PAPSS2: variants seen among roughly 807,000 people sequenced by gnomAD.
PAPSS2 encodes 3'-phosphoadenosine 5'-phosphosulfate synthase 2, also known as bifunctional 3'-phosphoadenosine 5'-phosphosulfate synthase 2.
Under a neutral mutation model 66.5 loss-of-function variants are expected in PAPSS2, and 61 were observed. The observed-to-expected ratio is 0.92, with a 90% CI of 0.75 to 1.14. The LOEUF (loss-of-function observed/expected upper bound fraction) is 1.14. PAPSS2 is among the 50% of genes most tolerant of loss of function. The pLI is 0.00. For missense variants in PAPSS2, 708 were observed against 789.6 expected (o/e 0.90, Z 1.24); for synonymous variants, 289 against 287.5 (o/e 1.01, Z -0.05).
intron 2 of PAPSS2, among the ~76,000 whole-genome samples, chr10:87,710,750 C>T (rs1853453601): frequency 6.6e-6 from 1 of 152,112 alleles, no homozygotes; most frequent in African/African-American, 2.4e-5. Context: ...CCTATAATCC[C>T]AGCACTTTGG....
chr10:87,735,935 A>T (rs867914891), intron 9 of PAPSS2, among the ~76,000 whole-genome samples: 47 of 152,218 alleles, frequency 3.1e-4, no homozygotes, highest in African/African-American at 1.1e-3. Flanking sequence ...GGGACTGTGA[A>T]CCAGGTCCAC....
chr10:87,741,210 G>C, intron 9 of PAPSS2, 25 bp from the exon 10 acceptor site: 1 of 1,611,706 alleles, frequency 6.2e-7, no homozygotes, highest in Non-Finnish European at 8.5e-7. Flanking sequence ...TTAATCATTA[G>C]CAATCATAAC....
intron 1 of PAPSS2, among the ~76,000 whole-genome samples, chr10:87,683,069 T>TTTTTTC (rs1445291662): frequency 3.3e-5 from 5 of 150,906 alleles, no homozygotes; most frequent in African/African-American, 1.2e-4. Context: ...TTTTTTTTCT[T>TTTTTTC]TTTTTCTTTT....
chr10:87,669,195 T>G (rs536083318), intron 1 of PAPSS2, among the ~76,000 whole-genome samples: 1 of 152,246 alleles, frequency 6.6e-6, no homozygotes, highest in East Asian at 1.9e-4. Flanking sequence ...ATTGTTTTAT[T>G]AAAAAAAGGG....
At chr10:87,700,886 A>G (rs1458511096) in intron 1 of PAPSS2, among the ~76,000 whole-genome samples, 1 of 151,938 alleles carries the variant, frequency 6.6e-6, no homozygotes, top group Non-Finnish European at 1.5e-5. Flanking sequence ...GAAAAGAAAT[A>G]AAATCGATCC....
chr10:87,712,933 C>G, intron 2 of PAPSS2, 142 bp from the exon 3 acceptor site: 1 of 641,310 alleles, frequency 1.6e-6, no homozygotes, highest in Non-Finnish European at 2.8e-6. Flanking sequence ...AAGTACTTGC[C>G]TTGTAGTCAA....
chr10:87,689,857 T>G (rs1432669266), intron 1 of PAPSS2, among the ~76,000 whole-genome samples: 1 of 152,126 alleles, frequency 6.6e-6, no homozygotes, highest in Non-Finnish European at 1.5e-5. Context: ...AGGTGTACAA[T>G]ATAGCTTATA....
intron 1 of PAPSS2, among the ~76,000 whole-genome samples, chr10:87,679,114 C>A (rs964289086): frequency 2.0e-5 from 3 of 152,152 alleles, no homozygotes; most frequent in Non-Finnish European, 4.4e-5. Flanking sequence ...AGAATGAAAT[C>A]ATGTCATTTG....
At chr10:87,667,685 G>A (rs1852830345) in intron 1 of PAPSS2, among the ~76,000 whole-genome samples, 1 of 152,118 alleles carries the variant, frequency 6.6e-6, no homozygotes, top group African/African-American at 2.4e-5. Flanking sequence ...AATTGATATT[G>A]TGCAAGCACG....
chr10:87,695,815 G>A (rs1457227667), intron 1 of PAPSS2, among the ~76,000 whole-genome samples: 1 of 152,232 alleles, frequency 6.6e-6, no homozygotes, highest in Non-Finnish European at 1.5e-5. Context: ...CATGTTCCAA[G>A]GGTAAATTTG....
chr10:87,701,332 CTTTCTTTCTTTCTTT>C (rs1564716697), intron 1 of PAPSS2, among the ~76,000 whole-genome samples: 129 of 51,044 alleles, frequency 2.5e-3, no homozygotes, highest in Non-Finnish European at 4.0e-3. Flanking sequence ...TCCTTCCTTT[CTTTCTTTCTTTCTTT>C]CTTTCTTTCT....
chr10:87,659,905 T>C lies in PAPSS2; in HGVS notation c.-77T>C, dbSNP rs558124262. 2.2e-3 allele frequency: 3,179 copies of C among 1,423,718 alleles called. 70 individuals carry two copies. In the East Asian group the frequency reaches 0.058, roughly 26 times the overall value. The allele number at this position is 1,423,718 out of a possible 1,614,324, so 88.2% of individuals were successfully genotyped here. ...CCGCTGCTGCTGCTGCTGCTGCTGC[T>C]GCCGCCGCCGCCGCCGCCGTCCCTG... On this transcript the variant is annotated 5_prime_UTR_variant, in exon 1 of 13. Coordinates refer to ENST00000456849, the MANE Select transcript of PAPSS2 (RefSeq NM_001015880.2).
At chr10:87,696,193 A>G (rs1467136323) in intron 1 of PAPSS2, among the ~76,000 whole-genome samples, 1 of 152,136 alleles carries the variant, frequency 6.6e-6, no homozygotes, top group East Asian at 1.9e-4. Flanking sequence ...GTCCAAAAAT[A>G]TTTGCTCTTT....
At chr10:87,736,189 T>A (rs1167699738) in intron 9 of PAPSS2, among the ~76,000 whole-genome samples, 4 of 152,012 alleles carry the variant, frequency 2.6e-5, no homozygotes, top group African/African-American at 9.7e-5. Flanking sequence ...TTGATTATAC[T>A]TCAATACCAG....
intron 1 of PAPSS2, among the ~76,000 whole-genome samples, chr10:87,706,084 GTA>G (rs532950801): frequency 0.47 from 28,273 of 60,198 alleles, 6,853 homozygotes; most frequent in Admixed American, 0.53. Context: ...TCTTCACATG[GTA>G]TATATATATA....
chr10:87,679,311 G>C (rs1408934072), intron 1 of PAPSS2, among the ~76,000 whole-genome samples: 1 of 152,102 alleles, frequency 6.6e-6, no homozygotes, highest in Non-Finnish European at 1.5e-5. Flanking sequence ...ACAAAGATAG[G>C]TTAACAGGTA....
chr10:87,673,905 G>A (rs17117588), intron 1 of PAPSS2, among the ~76,000 whole-genome samples: 2,708 of 151,942 alleles, frequency 0.018, 83 homozygotes, highest in African/African-American at 0.062. Context: ...TTTTGTTCTA[G>A]AAGGTCCCAG....
chr10:87,663,993 A>G (rs978364751), intron 1 of PAPSS2, among the ~76,000 whole-genome samples: 1 of 151,920 alleles, frequency 6.6e-6, no homozygotes, highest in Non-Finnish European at 1.5e-5. Context: ...TGCAGTCTCG[A>G]CCTCCTGGGC....
intron 1 of PAPSS2, among the ~76,000 whole-genome samples, chr10:87,688,288 GATA>G (rs1853113502): frequency 6.6e-6 from 1 of 151,730 alleles, no homozygotes; most frequent in Non-Finnish European, 1.5e-5. Context: ...TTTTTCAAAA[GATA>G]ATGATAAAAC....
Sources: gnomAD v4.1 joint callset for allele counts (sites outside exome capture counted in the v4.1 genomes callset) on GRCh38, gnomAD v4.1.1 for gene constraint, MANE v1.5 for transcripts, NCBI Gene and HGNC (gene_info 2026-07-23, HGNC 2026-07-21) for gene names.